Variants in SPICE1 observed in about 807,000 individuals in gnomAD.
SPICE1 encodes the protein spindle and centriole associated protein 1.
SPICE1 carries 75 observed loss-of-function variants against 102.7 expected under a neutral mutation model. That is an observed-to-expected ratio of 0.73 (90% confidence interval 0.61 to 0.88). SPICE1 has a LOEUF of 0.88. Ranked by LOEUF, SPICE1 falls within the 40% of genes least tolerant of loss-of-function variation. The probability of loss-of-function intolerance (pLI) is 0.00; values close to 1 mark genes in which losing one functional copy is unlikely to be tolerated. For missense variants in SPICE1, 979 were observed against 1,020.1 expected (o/e 0.96, Z 0.55); for synonymous variants, 308 against 350.3 (o/e 0.88, Z 1.35).
intron 7 of SPICE1, among the ~76,000 whole-genome samples, chr3:113,486,689 A>G (rs1393797973): frequency 1.3e-5 from 2 of 151,808 alleles, no homozygotes; most frequent in Non-Finnish European, 2.9e-5. Flanking sequence ...TGGATATGTT[A>G]ATTACCCCAA....
chr3:113,486,027 C>A (rs1191724533), intron 7 of SPICE1, among the ~76,000 whole-genome samples: 2 of 152,028 alleles, frequency 1.3e-5, no homozygotes, highest in Non-Finnish European at 2.9e-5. Context: ...AGGAGAATCA[C>A]TTGAACCTGG....
At position 113,442,735 on chromosome 3, in the gene SPICE1, G is replaced by A. The variant is rs1202543849; in HGVS notation, c.*2572C>T. ...AGAAAAAATTGCTATAATACAATTT[G>A]TGTTTATTAGTTTCCACAATGTTAC... On this transcript the variant is annotated 3_prime_UTR_variant, in exon 18 of 18. Transcript: ENST00000295872. 6.6e-6 allele frequency: 1 copy of A among 152,072 alleles called. No homozygotes were observed. 9.4% of individuals were successfully genotyped at this position (152,072 alleles called of 1,614,324 possible).
chr3:113,481,411 T>C (rs78218158), intron 7 of SPICE1, among the ~76,000 whole-genome samples: 1 of 151,070 alleles, frequency 6.6e-6, no homozygotes, highest in African/African-American at 2.4e-5. Context: ...CTTTTTTTTT[T>C]CTAGTTTTTT....
chr3:113,478,652 G>T (rs1188435540), intron 7 of SPICE1, among the ~76,000 whole-genome samples: 2 of 152,102 alleles, frequency 1.3e-5, no homozygotes, highest in African/African-American at 4.8e-5. Context: ...AAACATACTA[G>T]TAGTAGGAGA....
chr3:113,452,618 C>A (rs957224004), intron 14 of SPICE1, among the ~76,000 whole-genome samples: 4 of 151,054 alleles, frequency 2.6e-5, no homozygotes, highest in Middle Eastern at 3.4e-3. Context: ...CAGGAGGTGG[C>A]GGTTGCAGGG....
Position 113,457,138 on chromosome 3 carries a change from T to C in SPICE1, c.1655A>G (p.Asp552Gly), listed in dbSNP as rs773721066. 2 of 1,614,050 alleles carry C rather than the reference T, an allele frequency of 1.2e-6. No homozygotes were observed. Among genetic ancestry groups the C allele is most frequent in the Middle Eastern group, 3.3e-4 (2 of 6,062 alleles). Residue 552 changes from aspartate (D) to glycine (G), a missense_variant and splice_region_variant, in exon 13 of 18, where the codon GAC becomes GGC. Coordinates refer to ENST00000295872, the MANE Select transcript of SPICE1 (RefSeq NM_144718.4). Reference protein sequence around the residue: ...KSNLKFSPLQDVLRRTVQTRP... With the variant: ...KSNLKFSPLQGVLRRTVQTRP... ...TGTAACTTTAGAAGAAGACTTACCG[T>C]CCTGAAGAGGAGAGAATTTTAAGTT...
chr3:113,468,556 C>T lies in SPICE1; in HGVS notation c.890-152G>A. 3.6e-6 allele frequency: 4 copies of T among 1,105,240 alleles called. No homozygotes were observed. The South Asian group carries it at 6.5e-5, about 18-fold the overall frequency. 68.5% of individuals were successfully genotyped at this position (1,105,240 alleles called of 1,614,324 possible). On this transcript the variant is annotated intron_variant, in intron 9 of 17. Coordinates refer to ENST00000295872, the MANE Select transcript of SPICE1 (RefSeq NM_144718.4). ...CTCATAAAAATTAAACAGTTTAAAC[C>T]AGATTTACACTAGCTATAATGAATG...
rs1043059870 is a variant in SPICE1, at chr3:113,475,633, C to T, written c.612-6395G>A. ...TGGGATGCAAGGCTGGTTCAATATA[C>T]GCAAATCAATAAATGTAATCCAGCA... On this transcript the variant is annotated intron_variant, in intron 7 of 17. Transcript: ENST00000295872. 4.6e-3 allele frequency among the ~76,000 whole-genome samples: 695 copies of T among 152,088 alleles called. 2 individuals are homozygous for T. Among genetic ancestry groups the T allele is most frequent in the Non-Finnish European group, 7.8e-3 (530 of 67,956 alleles).
rs1439238866 is a variant in SPICE1 at position 113,465,712 on chromosome 3, G to C, written c.1228C>G (p.Leu410Val). Residue 410 changes from leucine to valine, a missense_variant, in exon 11 of 18, where the codon CTC (leucine) becomes GTC (valine). By Grantham distance (32) the Leu-to-Val change is conservative. Transcript: ENST00000295872. Reference protein sequence around the residue: ...LEQVLGDHRELIDALTAEILR... With the variant: ...LEQVLGDHREVIDALTAEILR... ...ATTTCAGCTGTCAGAGCATCAATGA[G>C]CTCTCGATGATCACCTAATACTTGT... 6.2e-7 allele frequency: 1 copy of C among 1,613,722 alleles called. No homozygotes were observed. The highest frequency in any genetic ancestry group is 1.7e-5 in the Admixed American group (1 of 59,986).
chr3:113,501,016 T>C (rs35758075), intron 3 of SPICE1, among the ~76,000 whole-genome samples: 6,531 of 152,222 alleles, frequency 0.043, 168 homozygotes, highest in East Asian at 0.1. Context: ...AAACTTACTA[T>C]AAAACGACAG....
At chr3:113,482,526 A>C (rs1350287615) in intron 7 of SPICE1, among the ~76,000 whole-genome samples, 1 of 151,930 alleles carries the variant, frequency 6.6e-6, no homozygotes, top group Non-Finnish European at 1.5e-5. Context: ...TTCTTCTAGG[A>C]TTTTTTATGG....
chr3:113,505,016 T>C (rs1937080428), intron 2 of SPICE1, among the ~76,000 whole-genome samples: 1 of 152,218 alleles, frequency 6.6e-6, no homozygotes, highest in South Asian at 2.1e-4. Flanking sequence ...AATAGTGGCA[T>C]ATTGGAATAA....
intron 11 of SPICE1, 32 bp from the exon 12 acceptor site, chr3:113,460,796 T>G (rs771601287): frequency 1.3e-6 from 2 of 1,548,712 alleles, no homozygotes; most frequent in African/African-American, 1.4e-5. Flanking sequence ...ATAATATTAT[T>G]AGCATATCAA....
At chr3:113,473,594 G>A (rs989640751) in intron 7 of SPICE1, among the ~76,000 whole-genome samples, 2 of 152,190 alleles carry the variant, frequency 1.3e-5, no homozygotes, top group Non-Finnish European at 2.9e-5. Flanking sequence ...TCTCTCGGCA[G>A]AAACTCTACA....
intron 14 of SPICE1, among the ~76,000 whole-genome samples, chr3:113,451,901 T>TAGGTG (rs1935661299): frequency 7.4e-6 from 1 of 135,040 alleles, no homozygotes; most frequent in African/African-American, 3.8e-5. Flanking sequence ...CACCTCACCC[T>TAGGTG]AACCTTCCTC....
chr3:113,471,942 G>C (rs1396715291), intron 7 of SPICE1, among the ~76,000 whole-genome samples: 3 of 152,182 alleles, frequency 2.0e-5, no homozygotes, highest in African/African-American at 7.2e-5. Context: ...GTGAGCGCAG[G>C]ACAGTGGGTG....
intron 15 of SPICE1, chr3:113,449,379 T>A (rs977888975): frequency 1.3e-5 from 2 of 152,188 alleles, no homozygotes; most frequent in African/African-American, 4.8e-5. Flanking sequence ...GTTAATTGAT[T>A]TATTTATTCT....
intron 7 of SPICE1, among the ~76,000 whole-genome samples, chr3:113,474,488 T>C (rs893064019): frequency 3.3e-5 from 5 of 152,094 alleles, no homozygotes; most frequent in Admixed American, 2.0e-4. Context: ...AATATACATT[T>C]TTTTCAGCAC....
chr3:113,460,851 G>GC, intron 11 of SPICE1, 87 bp from the exon 12 acceptor site: 1 of 1,217,996 alleles, frequency 8.2e-7, no homozygotes. Flanking sequence ...AAGGATACGT[G>GC]TGTTTAATAT....
Sources: gnomAD v4.1 joint callset for allele counts (sites outside exome capture counted in the v4.1 genomes callset) on GRCh38, gnomAD v4.1.1 for gene constraint, MANE v1.5 for transcripts, NCBI Gene and HGNC (gene_info 2026-07-23, HGNC 2026-07-21) for gene names.